FIG4: variants seen among roughly 807,000 people sequenced by gnomAD.
FIG4 encodes the protein FIG4 phosphoinositide 5-phosphatase, also known as polyphosphoinositide phosphatase.
A neutral mutation model predicts 118.6 loss-of-function variants in FIG4; 112 were observed. The observed-to-expected ratio is 0.94, with a 90% CI of 0.81 to 1.11. FIG4 has a LOEUF of 1.11. FIG4 is among the 50% of genes least tolerant of loss of function. FIG4 has a pLI of 0.00. For synonymous variants in FIG4, 369 were observed against 381.2 expected (o/e 0.97, Z 0.37); for missense variants, 969 against 1,111.7 (o/e 0.87, Z 1.83).
At chr6:109,729,656 T>C in intron 4 of FIG4, among the ~76,000 whole-genome samples, 1 of 151,880 alleles carries the variant, frequency 6.6e-6, no homozygotes, top group South Asian at 2.1e-4. Context: ...CTCATGCCTG[T>C]AATCCCAGCA....
At chr6:109,778,875 A>G (rs1239072755) in intron 16 of FIG4, among the ~76,000 whole-genome samples, 1 of 152,230 alleles carries the variant, frequency 6.6e-6, no homozygotes, top group Non-Finnish European at 1.5e-5. Flanking sequence ...CTGGGATTAC[A>G]GGCGTGAGCC....
chr6:109,759,698 T>C (rs905325076), intron 10 of FIG4, among the ~76,000 whole-genome samples: 20 of 152,230 alleles, frequency 1.3e-4, no homozygotes, highest in Admixed American at 1.2e-3. Flanking sequence ...TTTAGTTCCA[T>C]GAATGCCTCT....
chr6:109,731,378 A>G (rs991019207), intron 4 of FIG4, among the ~76,000 whole-genome samples: 5 of 152,182 alleles, frequency 3.3e-5, no homozygotes, highest in Admixed American at 2.0e-4. Flanking sequence ...GTATGGGAAA[A>G]CATGCATGGG....
chr6:109,755,166 C>G (rs1776845092), intron 10 of FIG4, among the ~76,000 whole-genome samples: 1 of 152,140 alleles, frequency 6.6e-6, no homozygotes, highest in African/African-American at 2.4e-5. Flanking sequence ...CAAAGAACAT[C>G]TTTATTTCTG....
chr6:109,790,625 T>A (rs1349209462), intron 19 of FIG4, among the ~76,000 whole-genome samples: 1 of 152,218 alleles, frequency 6.6e-6, no homozygotes, highest in Non-Finnish European at 1.5e-5. Flanking sequence ...TCCTAGAACA[T>A]TTCAAAATAT....
intron 8 of FIG4, among the ~76,000 whole-genome samples, chr6:109,741,903 T>C (rs1460444422): frequency 2.0e-5 from 3 of 152,134 alleles, no homozygotes; most frequent in African/African-American, 7.2e-5. Context: ...AAAAAAGGTC[T>C]GCACGTATTC....
At chr6:109,762,821 C>T (rs535553123) in intron 12 of FIG4, among the ~76,000 whole-genome samples, 11 of 152,102 alleles carry the variant, frequency 7.2e-5, no homozygotes, top group African/African-American at 2.4e-4. Context: ...TGACAGGGGT[C>T]CCCCAAGACT....
intron 1 of FIG4, among the ~76,000 whole-genome samples, chr6:109,709,975 G>T (rs939156038): frequency 6.6e-6 from 1 of 152,128 alleles, no homozygotes; most frequent in African/African-American, 2.4e-5. Context: ...CGATTACCCT[G>T]ACCAGCACTT....
intron 22 of FIG4, among the ~76,000 whole-genome samples, chr6:109,804,061 G>A (rs1778499718): frequency 6.6e-6 from 1 of 152,112 alleles, no homozygotes; most frequent in African/African-American, 2.4e-5. Context: ...TTTAATGACT[G>A]ATAGAGATGA....
chr6:109,755,364 G>T (rs184304608), intron 10 of FIG4, among the ~76,000 whole-genome samples: 9 of 152,136 alleles, frequency 5.9e-5, no homozygotes, highest in African/African-American at 2.2e-4. Context: ...CACCTATGTG[G>T]TCAATTTTGG....
chr6:109,812,426 G>C (rs1397678068), intron 22 of FIG4, among the ~76,000 whole-genome samples: 2 of 152,190 alleles, frequency 1.3e-5, no homozygotes, highest in Non-Finnish European at 2.9e-5. Flanking sequence ...AAGGTTTTAA[G>C]TAGAGAGCTG....
At chr6:109,821,798 G>A (rs1779012520) in intron 22 of FIG4, among the ~76,000 whole-genome samples, 1 of 152,226 alleles carries the variant, frequency 6.6e-6, no homozygotes, top group African/African-American at 2.4e-5. Context: ...ACTTTGAACT[G>A]CATCTTGACT....
rs149195129 is a variant in FIG4 at position 109,758,787 on chromosome 6, G to A, written c.1138-1463G>A. On this transcript the variant is annotated intron_variant, in intron 10 of 22. Transcript: ENST00000230124. ...GAAAATACCCCATCAAAAAGTAGGC[G>A]AAGGATATGAACAGACACTTCTCAA... Among the ~76,000 whole-genome samples, 836 of 152,262 alleles carry A rather than the reference G, an allele frequency of 5.5e-3. 7 individuals are homozygous for A. The highest frequency in any genetic ancestry group is 0.014 in the African/African-American group (601 of 41,556).
At chr6:109,754,732 G>C (rs1447093680) in intron 10 of FIG4, among the ~76,000 whole-genome samples, 1 of 152,100 alleles carries the variant, frequency 6.6e-6, no homozygotes, top group Non-Finnish European at 1.5e-5. Context: ...TTGCGTAGAG[G>C]TGTTTGTAGT....
chr6:109,789,396 C>A (rs1055927854), intron 18 of FIG4, among the ~76,000 whole-genome samples, 198 bp from the exon 19 acceptor site: 13 of 152,126 alleles, frequency 8.5e-5, no homozygotes, highest in South Asian at 2.1e-4. Context: ...AGAGAATTCA[C>A]AATTAAGACT....
chr6:109,747,345 G>A (rs1046739406), intron 10 of FIG4, among the ~76,000 whole-genome samples: 1 of 152,108 alleles, frequency 6.6e-6, no homozygotes, highest in Non-Finnish European at 1.5e-5. Flanking sequence ...ATTTAGAGTG[G>A]CTGAATCTCC....
rs780921285 is a variant in FIG4, at chr6:109,825,255, G to A, written c.2714G>A (p.Arg905His). ...ATGTACCGAGAGTACATCAGGAACC[G>A]CTACCTGTGAAAAGAGCGCAGGTCC... ...SSMYREYIRN[R>H]YL is the part of the protein sequence containing the mutation. The change falls in exon 23 of 23, where the codon CGC (arginine) becomes CAC (histidine). Residue 905 changes from arginine (R) to histidine (H), a missense_variant. By Grantham distance (29) the Arg-to-His change is conservative. Coordinates refer to ENST00000230124, the MANE Select transcript of FIG4 (RefSeq NM_014845.6). 3.1e-6 allele frequency: 5 copies of A among 1,613,950 alleles called. No individual in the cohort carries two copies. Among genetic ancestry groups the A allele is most frequent in the Non-Finnish European group, 4.2e-6 (5 of 1,179,920 alleles).
intron 15 of FIG4, 55 bp from the exon 16 acceptor site, chr6:109,776,867 T>C (rs1254644628): frequency 8.6e-6 from 12 of 1,392,502 alleles, no homozygotes; most frequent in Admixed American, 1.7e-5. Context: ...AATATTCTCT[T>C]GAGTTATATA....
In FIG4 at chr6:109,727,216, A is replaced by G. The variant is rs777011122; in HGVS notation, c.397A>G (p.Ile133Val). ...AIYKVEDTNM[I>V]YIPNDSVRVT... is the part of the protein sequence containing the mutation. Reference sequence around the variant, plus strand: ...CTATAAGGTCGAAGATACAAATATGATCTATATACCCAATGATTCTGTACG... The same window carrying G: ...CTATAAGGTCGAAGATACAAATATGGTCTATATACCCAATGATTCTGTACG... Residue 133 changes from isoleucine to valine, a missense_variant, in exon 4 of 23, where the codon ATC becomes GTC. Ile to Val is a conservative substitution (Grantham distance 29). Around this residue, in one of 3 missense-constraint regions of FIG4, gnomAD observed 393 missense variants for 409.4 expected, o/e 0.96. Coordinates refer to ENST00000230124, the MANE Select transcript of FIG4 (RefSeq NM_014845.6). 19 of 1,612,678 alleles carry G rather than the reference A, an allele frequency of 1.2e-5. No individual in the cohort carries two copies. The highest frequency in any genetic ancestry group is 1.5e-5 in the Non-Finnish European group (18 of 1,178,900).
Sources: allele counts gnomAD v4.1 joint callset (sites outside exome capture counted in the v4.1 genomes callset), GRCh38; gene constraint gnomAD v4.1.1; regional missense constraint gnomAD v4.1.1; transcripts MANE v1.5; gene names NCBI Gene and HGNC (gene_info 2026-07-23, HGNC 2026-07-21).